Variants in PDGFRB observed in about 807,000 individuals in gnomAD.
PDGFRB encodes the protein platelet derived growth factor receptor beta, also known as platelet-derived growth factor receptor beta.
PDGFRB carries 42 observed loss-of-function variants against 120.2 expected under a neutral mutation model. That is an observed-to-expected ratio of 0.35 (90% CI 0.27 to 0.45). The LOEUF (loss-of-function observed/expected upper bound fraction) is 0.45. Ranked by LOEUF, PDGFRB falls within the 20% of genes least tolerant of loss-of-function variation. PDGFRB has a pLI of 1.00. For synonymous variants in PDGFRB, 586 were observed against 606.8 expected (o/e 0.97, Z 0.50); for missense variants, 1,149 against 1,476.3 (o/e 0.78, Z 3.63).
intron 6 of PDGFRB, among the ~76,000 whole-genome samples, 181 bp from the exon 7 acceptor site, chr5:150,133,123 A>G (rs1358423421): frequency 6.6e-6 from 1 of 152,178 alleles, no homozygotes; most frequent in Non-Finnish European, 1.5e-5. Context: ...ATTTGGGGCT[A>G]ATATGGATGC....
chr5:150,138,187 A>G (rs368060467), intron 1 of PDGFRB, among the ~76,000 whole-genome samples: 2 of 152,300 alleles, frequency 1.3e-5, no homozygotes. Flanking sequence ...GTCGCAGAGC[A>G]TGAGCTTTGG....
chr5:150,137,044 G>A lies in PDGFRB; in HGVS notation c.4C>T (p.Arg2Trp), dbSNP rs148272095. 76 of 1,613,042 alleles carry A rather than the reference G, an allele frequency of 4.7e-5. No individual in the cohort carries two copies. In the Middle Eastern group the frequency reaches 4.9e-4, roughly 10 times the overall value. M[R>W]LPGAMPALAL... ...AGAGCTGGCATCGCACCCGGAAGCCGCATGGTGTCCTGCAGAGTTAAACAG... is the reference window on the plus strand; with the variant it reads ...AGAGCTGGCATCGCACCCGGAAGCCACATGGTGTCCTGCAGAGTTAAACAG... The change falls in exon 2 of 23, where the codon CGG (arginine) becomes TGG (tryptophan). Residue 2 changes from arginine (R) to tryptophan (W), a missense_variant. This residue lies in a region of PDGFRB where 879 missense variants were observed against 1,108.6 expected (regional missense o/e 0.79). Transcript: ENST00000261799.
rs1331040144 is a variant in PDGFRB at position 150,119,562 on chromosome 5, G to A, written c.2703C>T (p.Gly901=). The A allele has an allele frequency of 2.5e-6, 4 of 1,601,050 alleles. No individual in the cohort carries two copies. The highest frequency in any genetic ancestry group is 2.7e-5 in the African/African-American group (2 of 74,692). ...ILLWEIFTLG[G]TPYPELPMNE... is the part of the protein sequence containing the mutation. ...TCATGGGCAGCTCTGGGTAAGGGGT[G>A]CCACCTGTTGGGGAGCAGAGACAAG... The change falls in exon 20 of 23, where the codon GGC becomes GGT. Residue 901 remains glycine (G), a synonymous_variant. Transcript: ENST00000261799.
chr5:150,141,982 G>A (rs190434177), intron 1 of PDGFRB, among the ~76,000 whole-genome samples: 3 of 151,920 alleles, frequency 2.0e-5, no homozygotes, highest in South Asian at 4.2e-4. Context: ...GGAGAGGGGG[G>A]TGCTGGGGGC....
At position 150,155,565 on chromosome 5, in the gene PDGFRB, C is replaced by A; in HGVS notation, c.-175G>T. ...CAGGACTGGTGCAGGCTCCTGAAGG[C>A]TCAGGAGAACAGAGGGATGGAGGAA... On this transcript the variant is annotated 5_prime_UTR_variant, in exon 1 of 23. Coordinates refer to ENST00000261799, the MANE Select transcript of PDGFRB (RefSeq NM_002609.4). The A allele has an allele frequency of 2.5e-6, 1 of 398,792 alleles. No individual in the cohort carries two copies. The highest frequency in any genetic ancestry group is 4.4e-6 in the Non-Finnish European group (1 of 226,276). 24.7% of individuals were successfully genotyped at this position (398,792 alleles called of 1,614,324 possible). A position where few individuals can be genotyped will look rare whatever the true frequency, so the allele number is the denominator to read the frequency against.
At position 150,133,445 on chromosome 5, in the gene PDGFRB, CTG is replaced by C. The variant is rs1760531860; in HGVS notation, c.934+139_934+140del. On this transcript the variant is annotated intron_variant, in intron 6 of 22. Coordinates refer to ENST00000261799, the MANE Select transcript of PDGFRB (RefSeq NM_002609.4). ...GAGTGTGGCTGACTATACCCCGGGGCTGTGACAGGCACTGGGTCCAGCTCAGC... is the reference window on the plus strand; with the variant it reads ...GAGTGTGGCTGACTATACCCCGGGGCTGACAGGCACTGGGTCCAGCTCAGC... 32 of 729,580 alleles carry C rather than the reference CTG, an allele frequency of 4.4e-5. No homozygotes were observed. The South Asian group carries it at 4.7e-4, about 11-fold the overall frequency. 45.2% of individuals were successfully genotyped at this position (729,580 alleles called of 1,614,324 possible). A position where few individuals can be genotyped will look rare whatever the true frequency, so the allele number is the denominator to read the frequency against.
intron 19 of PDGFRB, 23 bp from the exon 20 acceptor site, chr5:150,119,589 G>C: frequency 7.1e-7 from 1 of 1,417,174 alleles, no homozygotes; most frequent in Admixed American, 1.7e-5. Context: ...AGAGACAAGA[G>C]ATACACAGGC....
intron 1 of PDGFRB, among the ~76,000 whole-genome samples, chr5:150,147,602 A>AC (rs1187301995): frequency 1.3e-5 from 2 of 152,202 alleles, no homozygotes; most frequent in African/African-American, 4.8e-5. Flanking sequence ...TAAACCCTTC[A>AC]CTTATCAGTG....
At chr5:150,122,972 CAAA>C in intron 15 of PDGFRB, 67 bp downstream of exon 15, 6 of 1,386,436 alleles carry the variant, frequency 4.3e-6, no homozygotes, top group Non-Finnish European at 6.0e-6. Flanking sequence ...CCCTCCTGGA[CAAA>C]AGGAGGGGAA....
At chr5:150,146,168 A>C (rs1475116222) in intron 1 of PDGFRB, among the ~76,000 whole-genome samples, 2 of 137,982 alleles carry the variant, frequency 1.4e-5, no homozygotes, top group East Asian at 2.4e-4. Flanking sequence ...CAGAGGGCAG[A>C]CTATTGAGAA....
In PDGFRB at chr5:150,118,730, A is replaced by T. The variant is rs764639593; in HGVS notation, c.2904+17T>A. ...CCAGAGCTCTCCGTGCTCCACCCCT[A>T]CCCTGCCTCAACATACCTTTTTGTA... On this transcript the variant is annotated intron_variant, in intron 21 of 22. Transcript: ENST00000261799. 4.3e-5 allele frequency: 65 copies of T among 1,496,584 alleles called. No homozygotes were observed. Among genetic ancestry groups the T allele is most frequent in the Non-Finnish European group, 5.4e-5 (58 of 1,073,254 alleles). 92.7% of individuals were successfully genotyped at this position (1,496,584 alleles called of 1,614,324 possible). A position where few individuals can be genotyped will look rare whatever the true frequency, so the allele number is the denominator to read the frequency against.
chr5:150,134,512 A>G (rs1760566609), intron 4 of PDGFRB, among the ~76,000 whole-genome samples: 1 of 152,192 alleles, frequency 6.6e-6, no homozygotes, highest in African/African-American at 2.4e-5. Flanking sequence ...CTCACCGACC[A>G]TGTTGCACAG....
chr5:150,121,784 G>A lies in PDGFRB; in HGVS notation c.2344+96C>T, dbSNP rs1323625420. 1.9e-5 allele frequency: 18 copies of A among 959,558 alleles called. 1 individual carries two copies. Among genetic ancestry groups the A allele is most frequent in the Middle Eastern group, 4.3e-4 (2 of 4,628 alleles). The allele number at this position is 959,558 out of a possible 1,614,324, so 59.4% of individuals were successfully genotyped here. A position where few individuals can be genotyped will look rare whatever the true frequency, so the allele number is the denominator to read the frequency against. On this transcript the variant is annotated intron_variant, in intron 16 of 22. Transcript: ENST00000261799. The surrounding 1 kb of genome is among the most constrained non-coding windows in gnomAD (Gnocchi z 4.1). ...ATTTCTACATCTATGAAATGGGCAC[G>A]AGGCTCCCTTCTTCTCAGGGTTTTT...
At position 150,129,804 on chromosome 5, in the gene PDGFRB, C is replaced by A. The variant is rs1232469262; in HGVS notation, c.1532G>T (p.Arg511Leu). Reference sequence around the variant, plus strand: ...CTGCGTGTCCTGGCCCACAGCGTTGCGCAGCGTGCAGCGCACCGACAGTGG... The same window carrying A: ...CTGCGTGTCCTGGCCCACAGCGTTGAGCAGCGTGCAGCGCACCGACAGTGG... ...DRPLSVRCTLRNAVGQDTQEV... is the reference protein window; with the variant it reads ...DRPLSVRCTLLNAVGQDTQEV... Residue 511 changes from arginine (R) to leucine (L), a missense_variant, in exon 10 of 23, where the codon CGC becomes CTC. Physicochemically the swap from Arg to Leu is moderately radical, Grantham distance 102 (BLOSUM62 -2). Coordinates refer to ENST00000261799, the MANE Select transcript of PDGFRB (RefSeq NM_002609.4). 6.2e-7 allele frequency: 1 copy of A among 1,613,992 alleles called. No individual in the cohort carries two copies. Among genetic ancestry groups the A allele is most frequent in the Non-Finnish European group, 8.5e-7 (1 of 1,180,018 alleles).
At position 150,139,899 on chromosome 5, in the gene PDGFRB, G is replaced by A. The variant is rs1471378180; in HGVS notation, c.-6-2846C>T. On this transcript the variant is annotated intron_variant, in intron 1 of 22. Coordinates refer to ENST00000261799, the MANE Select transcript of PDGFRB (RefSeq NM_002609.4). ...GGAGGCCGAGGCAGGAGAATCGCTT[G>A]AACCCAGGAGGCGGAGGTTGCAGTG... Among the ~76,000 whole-genome samples, 3 of 151,692 alleles carry A rather than the reference G, an allele frequency of 2.0e-5. No individual in the cohort carries two copies. The East Asian group carries it at 5.8e-4, about 29-fold the overall frequency.
intron 1 of PDGFRB, among the ~76,000 whole-genome samples, chr5:150,151,873 A>G (rs1045033801): frequency 1.3e-5 from 2 of 151,848 alleles, no homozygotes; most frequent in African/African-American, 4.8e-5. Context: ...AAAAAAAAAA[A>G]AAAAAAAAGT....
rs76993887 is a variant in PDGFRB, at chr5:150,116,061, G to A, written c.3138-115C>T. On this transcript the variant is annotated intron_variant, in intron 22 of 22. Coordinates refer to ENST00000261799, the MANE Select transcript of PDGFRB (RefSeq NM_002609.4). ...CTGCACCGTAGGCTTCACACACTCC[G>A]GCTCATTTAACTCTTGTGAAAACTA... 1,576 of 843,614 alleles carry A rather than the reference G, an allele frequency of 1.9e-3. 21 individuals are homozygous for A. The African/African-American group carries it at 0.026, about 14-fold the overall frequency. The allele number at this position is 843,614 out of a possible 1,614,324, so 52.3% of individuals were successfully genotyped here.
intron 1 of PDGFRB, among the ~76,000 whole-genome samples, chr5:150,154,816 G>T (rs190764645): frequency 6.6e-6 from 1 of 152,308 alleles, no homozygotes; most frequent in South Asian, 2.1e-4. Context: ...TGCCATGGCC[G>T]CCCATCACCC....
chr5:150,146,671 G>A (rs369175499), intron 1 of PDGFRB, among the ~76,000 whole-genome samples: 1 of 152,116 alleles, frequency 6.6e-6, no homozygotes, highest in Non-Finnish European at 1.5e-5. Context: ...TGATCCTCCC[G>A]CCTCAGCCTC....
Sources: gnomAD v4.1 joint callset for allele counts (sites outside exome capture counted in the v4.1 genomes callset) on GRCh38, gnomAD v4.1.1 for gene constraint, gnomAD v4.1.1 regional missense constraint, Gnocchi (gnomAD v3.1) non-coding constraint, MANE v1.5 for transcripts, NCBI Gene and HGNC (gene_info 2026-07-23, HGNC 2026-07-21) for gene names.